ZSCAN1: variants seen among roughly 807,000 people sequenced by gnomAD.
The protein encoded by ZSCAN1 is zinc finger and SCAN domain-containing protein 1.
A neutral mutation model predicts 23.8 loss-of-function variants in ZSCAN1; 23 were observed. The ratio of observed to expected loss-of-function variants is 0.97; its 90% CI spans 0.70 to 1.37. ZSCAN1 has a LOEUF of 1.37. Among genes scored for constraint, ZSCAN1 ranks in the 40% most tolerant of loss-of-function variants. The pLI is 0.00. For synonymous variants in ZSCAN1, 236 were observed against 232.3 expected (o/e 1.02, Z -0.15); for missense variants, 575 against 554.0 (o/e 1.04, Z -0.38).
Position 58,037,846 on chromosome 19 carries a change from C to T in ZSCAN1, c.10C>T (p.Arg4Trp), listed in dbSNP as rs754615387. The change falls in exon 3 of 6, where the codon CGG (arginine) becomes TGG (tryptophan). Residue 4 changes from arginine (R) to tryptophan (W), a missense_variant. Transcript: ENST00000282326. The part of the protein sequence containing the change: MLP[R>W]PKAPASPRRP... ...CACTGTGGCCAGAGAAATGCTTCCA[C>T]GGCCCAAAGCCCCTGCCTCCCCCAG... 46 of 1,485,562 alleles carry T rather than the reference C, an allele frequency of 3.1e-5. No individual in the cohort carries two copies. The highest frequency in any genetic ancestry group is 4.9e-5 in the East Asian group (2 of 41,232). The allele number at this position is 1,485,562 out of a possible 1,614,324, so 92.0% of individuals were successfully genotyped here. A position where few individuals can be genotyped will look rare whatever the true frequency, so the allele number is the denominator to read the frequency against.
intron 4 of ZSCAN1, chr19:58,044,593 G>C (rs558498829): frequency 8.2e-6 from 8 of 976,600 alleles, no homozygotes; most frequent in African/African-American, 8.1e-5. Context: ...GACACACGGC[G>C]TCCATCTTAA....
chr19:58,050,047 A>T (rs1456647719), intron 4 of ZSCAN1, among the ~76,000 whole-genome samples: 1 of 148,130 alleles, frequency 6.8e-6, no homozygotes, highest in Admixed American at 6.7e-5. Context: ...GAAGGTTGGT[A>T]TCTCCTACTC....
chr19:58,050,778 CA>C (rs1254319544), intron 4 of ZSCAN1, among the ~76,000 whole-genome samples: 2 of 152,162 alleles, frequency 1.3e-5, no homozygotes, highest in Admixed American at 6.5e-5. Flanking sequence ...TTCTGCCTCC[CA>C]AAGTGCTGGG....
intron 2 of ZSCAN1, 126 bp from the exon 3 acceptor site, chr19:58,037,602 G>A (rs1463948586): frequency 3.8e-5 from 17 of 444,236 alleles, no homozygotes; most frequent in Non-Finnish European, 6.6e-5. Context: ...TCAGAAGGTG[G>A]GAAGAGGTCA....
At chr19:58,034,720 C>T (rs1374508841) in intron 1 of ZSCAN1, among the ~76,000 whole-genome samples, 2 of 133,950 alleles carry the variant, frequency 1.5e-5, no homozygotes, top group Non-Finnish European at 3.2e-5. Context: ...TCCTGAACAG[C>T]CGCCCCCGAC....
In ZSCAN1 at chr19:58,047,563, G is replaced by A. The variant is rs1479212043; in HGVS notation, c.466-4927G>A. Among the ~76,000 whole-genome samples the A allele has an allele frequency of 2.6e-5, 4 of 152,220 alleles. No homozygotes were observed. Among genetic ancestry groups the A allele is most frequent in the Non-Finnish European group, 1.5e-5 (1 of 68,040 alleles). ...GGGTGGTGCTTGGGCTGCGCGCCAC[G>A]GGGGCTGCAGTGGATTTACTGTGTC... On this transcript the variant is annotated intron_variant, in intron 4 of 5. Coordinates refer to ENST00000282326, the MANE Select transcript of ZSCAN1 (RefSeq NM_182572.4). The surrounding 1 kb of genome is among the most constrained non-coding windows in gnomAD (Gnocchi z 4.9).
Position 58,038,207 on chromosome 19 carries a change from G to A in ZSCAN1, c.370+1G>A, listed in dbSNP as rs1162905555. On this transcript the variant is annotated splice_donor_variant, in intron 3 of 5. Transcript: ENST00000282326. LOFTEE classifies it high-confidence loss of function. ...CTCACACAGATGTGCCAGCAGGAAG[G>A]TGAGAGGCGCAGGCTTCCTGCCCCG... 6.2e-7 allele frequency: 1 copy of A among 1,603,768 alleles called. No homozygotes were observed. Among genetic ancestry groups the A allele is most frequent in the African/African-American group, 1.3e-5 (1 of 74,906 alleles).
rs953167978 is a variant in ZSCAN1 at position 58,040,662 on chromosome 19, G to A, written c.465+118G>A. On this transcript the variant is annotated intron_variant, in intron 4 of 5. Transcript: ENST00000282326. This position sits in a 1 kb window ranked among gnomAD's most constrained non-coding sequence, Gnocchi z 5.8. ...TGTGAGGTTGTCCCCAGCGCTCCCA[G>A]GAAGCCCGGCCTCCAAACTCCCCGC... is the stretch of plus-strand genomic sequence containing the variant. 2 of 1,001,106 alleles carry A rather than the reference G, an allele frequency of 2.0e-6. No homozygotes were observed. The highest frequency in any genetic ancestry group is 1.5e-6 in the Non-Finnish European group (1 of 670,824). The allele number at this position is 1,001,106 out of a possible 1,614,324, so 62.0% of individuals were successfully genotyped here. A position where few individuals can be genotyped will look rare whatever the true frequency, so the allele number is the denominator to read the frequency against.
Position 58,040,441 on chromosome 19 carries a change from C to T in ZSCAN1, c.371-9C>T. The stretch of plus-strand genomic sequence containing the variant: ...CAGGCCCCTCTCACGATCCCTTTCT[C>T]CCGCACAGTTCTGGTATCTCTGGAC... On this transcript the variant is annotated splice_polypyrimidine_tract_variant and intron_variant, in intron 3 of 5. Transcript: ENST00000282326. The surrounding 1 kb of genome is among the most constrained non-coding windows in gnomAD (Gnocchi z 5.8). 1 of 1,613,428 alleles carries T rather than the reference C, an allele frequency of 6.2e-7. No individual in the cohort carries two copies. The highest frequency in any genetic ancestry group is 8.5e-7 in the Non-Finnish European group (1 of 1,179,868).
chr19:58,038,368 A>C (rs1281782068), intron 3 of ZSCAN1, 162 bp downstream of exon 3: 3 of 919,232 alleles, frequency 3.3e-6, no homozygotes, highest in African/African-American at 1.7e-5. Flanking sequence ...TTATTTTTAC[A>C]TATAAATGTG....
chr19:58,054,836 T>A (rs1292827710), downstream of ZSCAN1, among the ~76,000 whole-genome samples: 6 of 152,124 alleles, frequency 3.9e-5, no homozygotes, highest in Non-Finnish European at 8.8e-5. This position sits in a 1 kb window ranked among gnomAD's most constrained non-coding sequence, Gnocchi z 4.2. Flanking sequence ...GTATTTTGTT[T>A]GACTTACAGA....
chr19:58,039,249 T>C (rs74357328), intron 3 of ZSCAN1, among the ~76,000 whole-genome samples: 3,560 of 152,226 alleles, frequency 0.023, 53 homozygotes, highest in Middle Eastern at 0.058. Context: ...GATCCTGGGG[T>C]AGAGGGCCCA....
At chr19:58,046,060 G>C in intron 4 of ZSCAN1, 1 of 684,092 alleles carries the variant, frequency 1.5e-6, no homozygotes, top group Non-Finnish European at 2.7e-6. Context: ...ACCCGAATGT[G>C]TGGAAGGCGC....
At chr19:58,055,177 A>C (rs1371393154), downstream of ZSCAN1, among the ~76,000 whole-genome samples, 1 of 152,174 alleles carries the variant, frequency 6.6e-6, no homozygotes, top group African/African-American at 2.4e-5. Flanking sequence ...ACATTTTTCC[A>C]AGTCGCCTTC....
At chr19:58,036,690 T>A (rs1291801038) in intron 2 of ZSCAN1, among the ~76,000 whole-genome samples, 2 of 151,540 alleles carry the variant, frequency 1.3e-5, no homozygotes, top group Non-Finnish European at 2.9e-5. Flanking sequence ...TCATTTTTGG[T>A]TATTTATTTT....
Position 58,053,997 on chromosome 19 carries a change from G to GA in ZSCAN1, c.1174dup (p.Met392AsnfsTer6). ...GCGTCTGCGGGAAGGCCTTCCCCTG[G>GA]ATGGTCCACCTCATTGACCACCAGA... is the stretch of plus-strand genomic sequence containing the variant. On this transcript the variant is annotated frameshift_variant, in exon 6 of 6. Transcript: ENST00000282326. LOFTEE classifies it low-confidence loss of function (END_TRUNC). The surrounding 1 kb of genome is among the most constrained non-coding windows in gnomAD (Gnocchi z 5.8). 6.3e-7 allele frequency: 1 copy of GA among 1,575,662 alleles called. No individual in the cohort carries two copies. The highest frequency in any genetic ancestry group is 1.8e-5 in the Admixed American group (1 of 55,038).
chr19:58,035,736 TG>T (rs1183989876), intron 1 of ZSCAN1, among the ~76,000 whole-genome samples: 1 of 152,218 alleles, frequency 6.6e-6, no homozygotes, highest in Admixed American at 6.5e-5. Flanking sequence ...CGAAGATGGC[TG>T]GCTGGGCACA....
rs745652985 is a variant in ZSCAN1, at chr19:58,052,548, A to T, written c.524A>T (p.Glu175Val). ...AAAPALPEES[E>V]WLETTQLQQS... ...GCCCCAGCACTCCCCGAGGAAAGTG[A>T]GTGGCTGGAGACTACCCAGCTCCAG... The change falls in exon 5 of 6, where the codon GAG (glutamate) becomes GTG (valine). Residue 175 changes from glutamate (E) to valine (V), a missense_variant. Glu to Val is a moderately radical substitution (Grantham distance 121). Transcript: ENST00000282326. 4 of 1,613,986 alleles carry T rather than the reference A, an allele frequency of 2.5e-6. No individual in the cohort carries two copies. Among genetic ancestry groups the T allele is most frequent in the Non-Finnish European group, 3.4e-6 (4 of 1,180,022 alleles).
At chr19:58,046,780 G>C (rs372962829) in intron 4 of ZSCAN1, 3 of 753,668 alleles carry the variant, frequency 4.0e-6, no homozygotes, top group African/African-American at 3.4e-5. Context: ...AGCCACTGGC[G>C]TGGGCACCTG....
Sources: gnomAD v4.1 joint callset for allele counts (sites outside exome capture counted in the v4.1 genomes callset) on GRCh38, gnomAD v4.1.1 for gene constraint, Gnocchi (gnomAD v3.1) non-coding constraint, MANE v1.5 for transcripts, NCBI Gene and HGNC (gene_info 2026-07-23, HGNC 2026-07-21) for gene names.